RIPOR1: variants seen among roughly 807,000 people sequenced by gnomAD.
RIPOR1 encodes the protein rho family-interacting cell polarization regulator 1.
A neutral mutation model predicts 116.5 loss-of-function variants in RIPOR1; 58 were observed. That is an observed-to-expected ratio of 0.50 (90% confidence interval 0.40 to 0.62). The LOEUF (loss-of-function observed/expected upper bound fraction) is 0.62. Ranked by LOEUF, RIPOR1 falls within the 20% of genes least tolerant of loss-of-function variation. The pLI, the probability that RIPOR1 is intolerant of heterozygous loss-of-function variation, is 0.00. For synonymous variants in RIPOR1, 605 were observed against 650.0 expected (o/e 0.93, Z 1.05); for missense variants, 1,372 against 1,586.2 (o/e 0.86, Z 2.29).
At chr16:67,538,143 G>T (rs1414390215) in intron 1 of RIPOR1, 13 of 361,478 alleles carry the variant, frequency 3.6e-5, no homozygotes, top group Non-Finnish European at 6.4e-5. Flanking sequence ...AGCCGGAGGA[G>T]GGTCCCCGCG....
chr16:67,541,496 C>T lies in RIPOR1; in HGVS notation c.868C>T (p.Leu290=). 1 of 1,614,142 alleles carries T rather than the reference C, an allele frequency of 6.2e-7. No homozygotes were observed. The highest frequency in any genetic ancestry group is 8.5e-7 in the Non-Finnish European group (1 of 1,180,010). The change falls in exon 11 of 22, where the codon CTG becomes TTG. Residue 290 remains leucine (L), a synonymous_variant. Transcript: ENST00000042381. The surrounding 1 kb of genome is among the most constrained non-coding windows in gnomAD (Gnocchi z 4.6). ...CAGTGTCTCCTGTGAGACCAAGGAC[C>T]TGTTTGCCGCCCTGCCCCAGGTTGT... The part of the protein sequence containing the change: ...VGSVSCETKD[L]FAALPQVVAV...
At chr16:67,521,061 T>C (rs2050491091) in intron 1 of RIPOR1, among the ~76,000 whole-genome samples, 1 of 152,098 alleles carries the variant, frequency 6.6e-6, no homozygotes, top group Admixed American at 6.5e-5. Flanking sequence ...GGGGTTTTAA[T>C]GGTAGTGGTG....
At position 67,542,719 on chromosome 16, in the gene RIPOR1, C is replaced by A; in HGVS notation, c.1933C>A (p.Pro645Thr). Residue 645 changes from proline to threonine, a missense_variant, in exon 13 of 22, where the codon CCC (proline) becomes ACC (threonine). Pro to Thr is a conservative substitution (Grantham distance 38). Transcript: ENST00000042381. The surrounding 1 kb of genome is among the most constrained non-coding windows in gnomAD (Gnocchi z 4.6). Reference sequence around the variant, plus strand: ...ACCTCCCACCACTACAAGTCCTACCCCCAGTGGTATGGGCCTAGTCCAGAC... The same window carrying A: ...ACCTCCCACCACTACAAGTCCTACCACCAGTGGTATGGGCCTAGTCCAGAC... ...MSPPTTTSPT[P>T]SGMGLVQTAT... is the part of the protein sequence containing the mutation. 6.2e-7 allele frequency: 1 copy of A among 1,613,928 alleles called. No homozygotes were observed. Among genetic ancestry groups the A allele is most frequent in the South Asian group, 1.1e-5 (1 of 91,082 alleles).
chr16:67,541,275 G>A lies in RIPOR1; in HGVS notation c.802-155G>A. The A allele has an allele frequency of 1.6e-6, 1 of 607,072 alleles. No individual in the cohort carries two copies. 37.6% of individuals were successfully genotyped at this position (607,072 alleles called of 1,614,324 possible). ...TTTTGAGACAGAGTCTTGCCATGTT[G>A]CCCAAGCTGGTCTTGAACTCCTGGC... On this transcript the variant is annotated intron_variant, in intron 10 of 21. Coordinates refer to ENST00000042381, the MANE Select transcript of RIPOR1 (RefSeq NM_024519.4). The surrounding 1 kb of genome is among the most constrained non-coding windows in gnomAD (Gnocchi z 4.6).
At chr16:67,525,501 C>T (rs999000220), upstream of RIPOR1, among the ~76,000 whole-genome samples, 1 of 152,020 alleles carries the variant, frequency 6.6e-6, no homozygotes, top group Admixed American at 6.6e-5. Context: ...AGAGAGTTGT[C>T]ATCCGCGGGG....
chr16:67,545,730 C>T lies in RIPOR1; in HGVS notation c.3257C>T (p.Pro1086Leu), dbSNP rs1416560519. The change falls in exon 19 of 22, where the codon CCC (proline) becomes CTC (leucine). Residue 1086 changes from proline (P) to leucine (L), a missense_variant. By Grantham distance (98) the Pro-to-Leu change is moderately conservative. Transcript: ENST00000042381. This position sits in a 1 kb window ranked among gnomAD's most constrained non-coding sequence, Gnocchi z 4.8. The stretch of plus-strand genomic sequence containing the variant: ...GTGCTGAAGGCCCTGAGATTGGCGC[C>T]CGAGGGGCGTCTGCGAAGGGACGGG... ...AVVLKALRLA[P>L]EGRLRRDGLR... is the part of the protein sequence containing the mutation. 1 of 1,605,798 alleles carries T rather than the reference C, an allele frequency of 6.2e-7. No homozygotes were observed. The highest frequency in any genetic ancestry group is 1.3e-5 in the African/African-American group (1 of 74,846).
chr16:67,527,898 A>G (rs554585276), upstream of RIPOR1, among the ~76,000 whole-genome samples: 7 of 151,642 alleles, frequency 4.6e-5, no homozygotes, highest in Non-Finnish European at 8.8e-5. Flanking sequence ...CAAGCAAACA[A>G]GCAAAACACA....
upstream of RIPOR1, among the ~76,000 whole-genome samples, chr16:67,527,766 T>C (rs758676954): frequency 4.7e-5 from 7 of 149,942 alleles, no homozygotes; most frequent in South Asian, 4.2e-4. Flanking sequence ...TCCCAGCTAC[T>C]CGGGAGGCTG....
intron 1 of RIPOR1, among the ~76,000 whole-genome samples, chr16:67,536,228 A>G (rs561572159): frequency 7.4e-4 from 113 of 152,332 alleles, no homozygotes; most frequent in African/African-American, 2.6e-3. Context: ...CAGGCTGATC[A>G]CTTGAGGTCA....
At chr16:67,538,965 T>C (rs1304289471) in intron 3 of RIPOR1, 25 bp from the exon 4 acceptor site, 4 of 1,613,686 alleles carry the variant, frequency 2.5e-6, no homozygotes, top group Non-Finnish European at 3.4e-6. Context: ...GCCGAGTTCA[T>C]TCTTGTGGTC....
In RIPOR1 at chr16:67,530,981, A is replaced by G. The variant is rs151295791; in HGVS notation, c.-24+2067A>G. ...CCCATCTCCCGAAGCGGTCACTCAG[A>G]TGGACATTATGATGGTCATTTGTAC... On this transcript the variant is annotated intron_variant, in intron 1 of 21. Coordinates refer to ENST00000042381, the MANE Select transcript of RIPOR1 (RefSeq NM_024519.4). This position sits in a 1 kb window ranked among gnomAD's most constrained non-coding sequence, Gnocchi z 4.5. Among the ~76,000 whole-genome samples, 117 of 152,254 alleles carry G rather than the reference A, an allele frequency of 7.7e-4. 1 individual carries two copies. In the East Asian group the frequency reaches 0.02, roughly 26 times the overall value.
intron 1 of RIPOR1, among the ~76,000 whole-genome samples, chr16:67,533,663 C>T (rs1167949059): frequency 6.6e-6 from 1 of 151,680 alleles, no homozygotes; most frequent in Non-Finnish European, 1.5e-5. Flanking sequence ...AGAAACTGGA[C>T]CAGGGTGGGA....
intron 1 of RIPOR1, among the ~76,000 whole-genome samples, chr16:67,520,019 G>A (rs748548499): frequency 1.0e-4 from 14 of 136,918 alleles, no homozygotes; most frequent in East Asian, 2.2e-4. Context: ...CCGAGATGGC[G>A]CCATTGAACT....
chr16:67,544,271 G>T lies in RIPOR1; in HGVS notation c.2601-28G>T, dbSNP rs757523159. 2 of 1,583,198 alleles carry T rather than the reference G, an allele frequency of 1.3e-6. No individual in the cohort carries two copies. The highest frequency in any genetic ancestry group is 1.7e-6 in the Non-Finnish European group (2 of 1,157,304). ...TGACCAGGTGGTGATGTGTGCCTGT[G>T]GGGTGGTGGACCCCATTTTTCCCTC... On this transcript the variant is annotated intron_variant, in intron 14 of 21. Coordinates refer to ENST00000042381, the MANE Select transcript of RIPOR1 (RefSeq NM_024519.4). The surrounding 1 kb of genome is among the most constrained non-coding windows in gnomAD (Gnocchi z 5.1).
chr16:67,527,342 G>A (rs945863759), upstream of RIPOR1, among the ~76,000 whole-genome samples: 7 of 151,990 alleles, frequency 4.6e-5, no homozygotes, highest in East Asian at 1.9e-4. Context: ...CCGAGATCAC[G>A]CCACTATACT....
Position 67,529,781 on chromosome 16 carries a change from G to A in RIPOR1, c.-24+867G>A. On this transcript the variant is annotated intron_variant, in intron 1 of 21. Transcript: ENST00000042381. The surrounding 1 kb of genome is among the most constrained non-coding windows in gnomAD (Gnocchi z 4.1). ...CTGCAGTCTGCGGGGCCGCGCCCTG[G>A]GCCTGCCGCATTCGGCCAACGCACA... The A allele has an allele frequency of 6.5e-7, 1 of 1,535,556 alleles. No individual in the cohort carries two copies. Among genetic ancestry groups the A allele is most frequent in the Non-Finnish European group, 8.7e-7 (1 of 1,146,882 alleles).
At chr16:67,539,507 A>C in intron 4 of RIPOR1, 1 of 613,282 alleles carries the variant, frequency 1.6e-6, no homozygotes, top group Non-Finnish European at 2.9e-6. Context: ...ATCCCAGGGA[A>C]GAGGTGGAAG....
chr16:67,539,703 T>C, intron 4 of RIPOR1, 25 bp from the exon 5 acceptor site: 5 of 1,613,890 alleles, frequency 3.1e-6, no homozygotes, highest in Non-Finnish European at 4.2e-6. Context: ...TCCTAAATAT[T>C]TGCCCCTTCT....
In RIPOR1 at chr16:67,522,675, A is replaced by G. The variant is rs563632333; in HGVS notation, c.-24+4062A>G. On this transcript the variant is annotated intron_variant, in intron 1 of 1. Transcript: ENST00000562116. The stretch of plus-strand genomic sequence containing the variant: ...ATATTGAGTGCCTTTCCATGTTCAG[A>G]TATAAAACCCTCACTCCCTACCCCG... 1.4e-3 allele frequency among the ~76,000 whole-genome samples: 208 copies of G among 152,012 alleles called. 1 individual carries two copies. Among genetic ancestry groups the G allele is most frequent in the Non-Finnish European group, 2.4e-3 (162 of 67,944 alleles).
Sources: allele counts gnomAD v4.1 joint callset (sites outside exome capture counted in the v4.1 genomes callset), GRCh38; gene constraint gnomAD v4.1.1; non-coding constraint Gnocchi (gnomAD v3.1); transcripts MANE v1.5; gene names NCBI Gene and HGNC (gene_info 2026-07-23, HGNC 2026-07-21).